DENND2C: variants seen among roughly 807,000 people sequenced by gnomAD.
The protein encoded by DENND2C is DENN domain containing 2C.
Under a neutral mutation model 112.4 loss-of-function variants are expected in DENND2C, and 72 were observed. The ratio of observed to expected loss-of-function variants is 0.64; its 90% CI spans 0.53 to 0.78. DENND2C has a LOEUF of 0.78. DENND2C is among the 30% of genes least tolerant of loss of function. The pLI, the probability that DENND2C is intolerant of heterozygous loss-of-function variation, is 0.00. For missense variants in DENND2C, 992 were observed against 1,113.8 expected (o/e 0.89, Z 1.56); for synonymous variants, 329 against 381.6 (o/e 0.86, Z 1.61).
intron 1 of DENND2C, among the ~76,000 whole-genome samples, chr1:114,662,501 T>C (rs1657525509): frequency 6.6e-6 from 1 of 152,218 alleles, no homozygotes; most frequent in South Asian, 2.1e-4. Flanking sequence ...TTATCACTGC[T>C]ATGAAAACTA....
rs78160303 is a variant in DENND2C at position 114,648,302 on chromosome 1, A to C, written c.-316-2743T>G. Among the ~76,000 whole-genome samples, 3 of 152,322 alleles carry C rather than the reference A, an allele frequency of 2.0e-5. No homozygotes were observed. The South Asian group carries it at 6.2e-4, about 32-fold the overall frequency. On this transcript the variant is annotated intron_variant, in intron 2 of 20. Transcript: ENST00000393274. ...TTATACTACTTGTTAGTTGGTAGAC[A>C]TAACAATAATATAAACTAATGCAAC...
chr1:114,615,035 G>C (rs992207451), intron 8 of DENND2C, among the ~76,000 whole-genome samples: 2 of 151,794 alleles, frequency 1.3e-5, no homozygotes, highest in Non-Finnish European at 2.9e-5. Context: ...AACCTGAAGA[G>C]AGTAGTTATG....
At chr1:114,623,248 T>C (rs1484835) in intron 5 of DENND2C, 149 bp from the exon 6 acceptor site, 31,559 of 740,086 alleles carry the variant, frequency 0.043, 902 homozygotes, top group Non-Finnish European at 0.053. Context: ...AACAGCAATT[T>C]AAGCTTATGG....
At chr1:114,600,413 G>A (rs192145535) in intron 14 of DENND2C, 61 bp from the exon 15 acceptor site, 31 of 1,585,260 alleles carry the variant, frequency 2.0e-5, no homozygotes, top group Admixed American at 1.2e-4. Flanking sequence ...TAGTGCCAAC[G>A]CTATGGATCC....
intron 2 of DENND2C, among the ~76,000 whole-genome samples, chr1:114,649,677 T>C (rs1474831694): frequency 6.6e-6 from 1 of 152,166 alleles, no homozygotes; most frequent in South Asian, 2.1e-4. Context: ...GCCTGGACAA[T>C]AAAACCTAGT....
intron 16 of DENND2C, among the ~76,000 whole-genome samples, chr1:114,597,375 C>T (rs1448139411): frequency 1.3e-5 from 2 of 150,114 alleles, no homozygotes; most frequent in East Asian, 2.0e-4. Flanking sequence ...ATCCAGGAGG[C>T]GGAGGTTGCA....
At chr1:114,610,575 C>T (rs1354911180) in intron 9 of DENND2C, among the ~76,000 whole-genome samples, 1 of 152,020 alleles carries the variant, frequency 6.6e-6, no homozygotes, top group Non-Finnish European at 1.5e-5. Context: ...TGGCACATGC[C>T]TATAATCCCA....
chr1:114,621,496 A>G (rs779200599), intron 7 of DENND2C, among the ~76,000 whole-genome samples: 30 of 152,172 alleles, frequency 2.0e-4, no homozygotes, highest in Non-Finnish European at 3.7e-4. Flanking sequence ...CTTTTTCATT[A>G]CTGAAAATCT....
intron 2 of DENND2C, among the ~76,000 whole-genome samples, chr1:114,648,507 A>AG (rs1657060517): frequency 6.6e-6 from 1 of 152,194 alleles, no homozygotes; most frequent in African/African-American, 2.4e-5. Context: ...GCTGTATAAG[A>AG]GAAGAATTAC....
chr1:114,658,379 A>C (rs963597645), intron 1 of DENND2C, among the ~76,000 whole-genome samples: 1 of 152,202 alleles, frequency 6.6e-6, no homozygotes, highest in Non-Finnish European at 1.5e-5. Flanking sequence ...AATTCTAAAA[A>C]GAAAAGAAAG....
At chr1:114,657,570 T>C (rs1657369239) in intron 1 of DENND2C, among the ~76,000 whole-genome samples, 1 of 152,198 alleles carries the variant, frequency 6.6e-6, no homozygotes, top group Admixed American at 6.5e-5. Context: ...AATTGACAGA[T>C]ACATTGTCAA....
chr1:114,588,390 T>C (rs1655100609), intron 18 of DENND2C: 1 of 158,464 alleles, frequency 6.3e-6, no homozygotes, highest in African/African-American at 2.4e-5. Flanking sequence ...GACAAAGCAG[T>C]TATTTTTCTC....
chr1:114,629,032 A>C (rs1277577527), intron 3 of DENND2C, among the ~76,000 whole-genome samples: 1 of 152,276 alleles, frequency 6.6e-6, no homozygotes, highest in African/African-American at 2.4e-5. Flanking sequence ...CAGTTCCAAC[A>C]GAAACAGAGG....
chr1:114,594,414 C>T (rs1374582798), intron 18 of DENND2C, 59 bp downstream of exon 18: 1 of 1,357,100 alleles, frequency 7.4e-7, no homozygotes, highest in African/African-American at 1.4e-5. Flanking sequence ...GCTGGGCATT[C>T]AGTAAATATT....
intron 3 of DENND2C, among the ~76,000 whole-genome samples, chr1:114,641,971 G>T (rs1033712227): frequency 3.3e-5 from 5 of 151,128 alleles, no homozygotes; most frequent in African/African-American, 1.2e-4. Context: ...ATATTTTTTT[G>T]AGATGGAGTC....
At chr1:114,604,842 T>C in intron 11 of DENND2C, 80 bp downstream of exon 11, 2 of 1,000,132 alleles carry the variant, frequency 2.0e-6, no homozygotes, top group Non-Finnish European at 3.1e-6. Context: ...GCTTCACTAA[T>C]GGCTGTACCC....
chr1:114,643,579 C>T (rs1023220052), intron 3 of DENND2C, among the ~76,000 whole-genome samples: 3 of 152,170 alleles, frequency 2.0e-5, no homozygotes, highest in Admixed American at 6.5e-5. Context: ...AGCCTTTTAT[C>T]TCACTCCTAT....
At chr1:114,627,653 T>C (rs993673576) in intron 3 of DENND2C, among the ~76,000 whole-genome samples, 10 of 151,516 alleles carry the variant, frequency 6.6e-5, no homozygotes, top group Non-Finnish European at 8.8e-5. Flanking sequence ...AAAATAACTA[T>C]ACCCAAAGCC....
chr1:114,604,885 TCTAATGA>T (rs1655614888), intron 11 of DENND2C, 30 bp downstream of exon 11: 1 of 1,413,796 alleles, frequency 7.1e-7, no homozygotes, highest in East Asian at 2.3e-5. Context: ...TTTTTGCAGG[TCTAATGA>T]ATAGAAATCA....
Sources: gnomAD v4.1 joint callset for allele counts (sites outside exome capture counted in the v4.1 genomes callset) on GRCh38, gnomAD v4.1.1 for gene constraint, MANE v1.5 for transcripts, NCBI Gene and HGNC (gene_info 2026-07-23, HGNC 2026-07-21) for gene names.